The following SHISA6 variants were observed in gnomAD, a reference collection of about 807,000 sequenced individuals.
SHISA6 encodes the protein shisa family member 6, also known as protein shisa-6.
In SHISA6, 22 loss-of-function variants were observed where a neutral mutation model predicts 47.9. That is an observed-to-expected ratio of 0.46 (90% CI 0.33 to 0.66). The LOEUF (loss-of-function observed/expected upper bound fraction) is 0.66, where lower values mean the gene tolerates loss of function less well. Among genes scored for constraint, SHISA6 ranks in the 30% least tolerant of loss-of-function variants. The pLI, the probability that SHISA6 is intolerant of heterozygous loss-of-function variation, is 0.02. For missense variants in SHISA6, 680 were observed against 764.6 expected, an observed-to-expected ratio of 0.89 and a Z score of 1.30; for synonymous variants, 388 against 337.8, an observed-to-expected ratio of 1.15 and a Z score of -1.63.
rs143386215 is a variant in SHISA6 at position 11,316,397 on chromosome 17, GTCTC to G, written c.799+52891_799+52894del. ...TTCCATTAGTTCCATCCTTCTCTCT[GTCTC>G]TCTCTCTCTCTCTCTCTCTTTTTTT... On this transcript the variant is annotated intron_variant, in intron 2 of 5. Transcript: ENST00000441885. Among the ~76,000 whole-genome samples the G allele has an allele frequency of 3.3e-3, 289 of 87,968 alleles. 1 individual carries two copies. The highest frequency in any genetic ancestry group is 0.014 in the African/African-American group (273 of 19,638). The allele number at this position is 87,968 out of a possible 152,430, so 57.7% of individuals were successfully genotyped here. A position where few individuals can be genotyped will look rare whatever the true frequency, so the allele number is the denominator to read the frequency against.
intron 3 of SHISA6, among the ~76,000 whole-genome samples, chr17:11,532,487 G>T (rs376650302): frequency 1.1e-4 from 16 of 152,056 alleles, no homozygotes; most frequent in Non-Finnish European, 2.2e-4. Flanking sequence ...GCGCGCGCGT[G>T]TGTGTGTGTG....
At chr17:11,403,542 G>A (rs1913848227) in intron 3 of SHISA6, among the ~76,000 whole-genome samples, 1 of 152,204 alleles carries the variant, frequency 6.6e-6, no homozygotes, top group African/African-American at 2.4e-5. Context: ...ATCAACACGG[G>A]CTCTGGAAAC....
intron 3 of SHISA6, among the ~76,000 whole-genome samples, chr17:11,438,993 A>C (rs1915023086): frequency 6.6e-6 from 1 of 152,008 alleles, no homozygotes; most frequent in Non-Finnish European, 1.5e-5. Context: ...CGGGAAGTAA[A>C]TATAAAGATT....
At chr17:11,508,783 T>A (rs2093121516) in intron 3 of SHISA6, among the ~76,000 whole-genome samples, 1 of 138,500 alleles carries the variant, frequency 7.2e-6, no homozygotes, top group South Asian at 2.5e-4. Flanking sequence ...CTCCTTTAGG[T>A]ATTAGGGCTA....
At chr17:11,401,846 C>G (rs917998304) in intron 3 of SHISA6, among the ~76,000 whole-genome samples, 1 of 152,178 alleles carries the variant, frequency 6.6e-6, no homozygotes, top group African/African-American at 2.4e-5. Context: ...GCTGTAGTCT[C>G]TACATCAGGT....
At chr17:11,312,863 G>T (rs1910383910) in intron 2 of SHISA6, among the ~76,000 whole-genome samples, 1 of 152,038 alleles carries the variant, frequency 6.6e-6, no homozygotes, top group Admixed American at 6.6e-5. Flanking sequence ...TTGTGCACTT[G>T]TGCAAAATTT....
intron 3 of SHISA6, among the ~76,000 whole-genome samples, chr17:11,498,813 A>C (rs1482884020): frequency 6.6e-6 from 1 of 152,192 alleles, no homozygotes; most frequent in Non-Finnish European, 1.5e-5. Flanking sequence ...AGGACCTACT[A>C]TCCTTCTCTG....
intron 3 of SHISA6, among the ~76,000 whole-genome samples, chr17:11,535,470 T>C (rs2071778750): frequency 6.6e-6 from 1 of 152,198 alleles, no homozygotes; most frequent in South Asian, 2.1e-4. Flanking sequence ...ATAGCTACAT[T>C]GCTCCGGGCT....
chr17:11,368,992 A>G (rs74735700), intron 2 of SHISA6, among the ~76,000 whole-genome samples: 7,070 of 152,248 alleles, frequency 0.046, 286 homozygotes, highest in Admixed American at 0.096. Flanking sequence ...TCCCTTCCTC[A>G]TGAGCGAGGC....
At chr17:11,542,687 GA>G (rs2071844157) in intron 3 of SHISA6, among the ~76,000 whole-genome samples, 1 of 152,048 alleles carries the variant, frequency 6.6e-6, no homozygotes, top group African/African-American at 2.4e-5. Flanking sequence ...CACATTTTCA[GA>G]AATTAAAAAA....
intron 3 of SHISA6, among the ~76,000 whole-genome samples, chr17:11,462,158 C>A (rs1915707827): frequency 6.6e-6 from 1 of 152,112 alleles, no homozygotes; most frequent in African/African-American, 2.4e-5. Context: ...TTAAAGCTCA[C>A]CCCTGCTTTC....
chr17:11,308,126 C>T (rs931229623), intron 2 of SHISA6, among the ~76,000 whole-genome samples: 1 of 152,120 alleles, frequency 6.6e-6, no homozygotes. Context: ...GTTAGGGGGC[C>T]TTTAGAAATG....
chr17:11,494,192 TC>T (rs1369693899), intron 3 of SHISA6, among the ~76,000 whole-genome samples: 2 of 152,034 alleles, frequency 1.3e-5, no homozygotes. Flanking sequence ...AGGGTTTTCC[TC>T]CCCACCCCAG....
At chr17:11,483,904 C>CTCA (rs1455097301) in intron 3 of SHISA6, among the ~76,000 whole-genome samples, 1 of 152,096 alleles carries the variant, frequency 6.6e-6, no homozygotes, top group African/African-American at 2.4e-5. Context: ...TGCAGTGAAC[C>CTCA]GTGATCACAC....
chr17:11,502,880 C>T (rs1230626839), intron 3 of SHISA6, among the ~76,000 whole-genome samples: 1 of 152,198 alleles, frequency 6.6e-6, no homozygotes, highest in Non-Finnish European at 1.5e-5. Flanking sequence ...CAGTAGGCAG[C>T]CTTTTTGGAT....
At chr17:11,463,474 G>A (rs2142315392) in intron 3 of SHISA6, among the ~76,000 whole-genome samples, 1 of 152,276 alleles carries the variant, frequency 6.6e-6, no homozygotes, top group South Asian at 2.1e-4. Context: ...AAAGAAAGAA[G>A]TGGAAATTAC....
chr17:11,447,380 A>G (rs992442553), intron 3 of SHISA6, among the ~76,000 whole-genome samples: 1 of 152,220 alleles, frequency 6.6e-6, no homozygotes, highest in African/African-American at 2.4e-5. Flanking sequence ...GGTGTAATCT[A>G]TGGGAATAAT....
chr17:11,420,621 A>G (rs1458623934), intron 3 of SHISA6, among the ~76,000 whole-genome samples: 1 of 152,202 alleles, frequency 6.6e-6, no homozygotes, highest in Non-Finnish European at 1.5e-5. Context: ...AGGGGTCAGA[A>G]CTGAATCTGT....
chr17:11,501,974 G>A (rs2071457447), intron 3 of SHISA6, among the ~76,000 whole-genome samples: 1 of 152,136 alleles, frequency 6.6e-6, no homozygotes, highest in Non-Finnish European at 1.5e-5. Flanking sequence ...AAATTCCTTT[G>A]TTTTTCCCTT....
Sources: allele counts gnomAD v4.1 joint callset (sites outside exome capture counted in the v4.1 genomes callset), GRCh38; gene constraint gnomAD v4.1.1; transcripts MANE v1.5; gene names NCBI Gene and HGNC (gene_info 2026-07-23, HGNC 2026-07-21).